Variants in MNAT1 observed in about 807,000 individuals in gnomAD.
MNAT1 encodes the protein CDK-activating kinase assembly factor MAT1.
Under a neutral mutation model 42.0 loss-of-function variants are expected in MNAT1, and 43 were observed. The observed-to-expected ratio is 1.02, with a 90% CI of 0.80 to 1.32. The LOEUF (loss-of-function observed/expected upper bound fraction) is 1.32, where lower values mean the gene tolerates loss of function less well. Among genes scored for constraint, MNAT1 ranks in the 40% most tolerant of loss-of-function variants. The pLI is 0.00. For missense variants in MNAT1, 306 were observed against 350.4 expected, an observed-to-expected ratio of 0.87 and a Z score of 1.01; for synonymous variants, 118 against 120.0, an observed-to-expected ratio of 0.98 and a Z score of 0.11.
At position 60,780,176 on chromosome 14, in the gene MNAT1, A is replaced by G; in HGVS notation, c.90-16041A>G. 6 of 1,516,082 alleles carry G rather than the reference A, an allele frequency of 4.0e-6. No individual in the cohort carries two copies. The Admixed American group carries it at 1.0e-4, about 25-fold the overall frequency. 93.9% of individuals were successfully genotyped at this position (1,516,082 alleles called of 1,614,324 possible). A position where few individuals can be genotyped will look rare whatever the true frequency, so the allele number is the denominator to read the frequency against. ...TCTTGAGCTCATAAAATACCTAAAT[A>G]ATGTGGTGGAACAACTAAAAGATTG... is the stretch of plus-strand genomic sequence containing the variant. On this transcript the variant is annotated intron_variant, in intron 1 of 7. Coordinates refer to ENST00000261245, the MANE Select transcript of MNAT1 (RefSeq NM_002431.4).
At chr14:60,741,246 C>A (rs945852911) in intron 1 of MNAT1, among the ~76,000 whole-genome samples, 5 of 152,158 alleles carry the variant, frequency 3.3e-5, no homozygotes, top group African/African-American at 1.2e-4. Context: ...CATGTAATAT[C>A]AGTGGCACAA....
chr14:60,917,889 A>G (rs975294233), intron 7 of MNAT1, among the ~76,000 whole-genome samples: 1 of 151,936 alleles, frequency 6.6e-6, no homozygotes, highest in Non-Finnish European at 1.5e-5. Context: ...TGGCCTCCCA[A>G]AGTGCTGGGA....
At chr14:60,890,577 G>A (rs1489304302) in intron 7 of MNAT1, among the ~76,000 whole-genome samples, 2 of 152,200 alleles carry the variant, frequency 1.3e-5, no homozygotes, top group East Asian at 1.9e-4. Flanking sequence ...AATCTCAAAA[G>A]TAGGGAAGCC....
In MNAT1 at chr14:60,762,154, G is replaced by A. The variant is rs192141867; in HGVS notation, c.89+27203G>A. Reference sequence around the variant, plus strand: ...ACACAGCAAATTGCTGCTTTGATTTGAGTCAGTGACTTGAAGTTTGGGACA... The same window carrying A: ...ACACAGCAAATTGCTGCTTTGATTTAAGTCAGTGACTTGAAGTTTGGGACA... On this transcript the variant is annotated intron_variant, in intron 1 of 7. Transcript: ENST00000261245. 2.7e-4 allele frequency among the ~76,000 whole-genome samples: 41 copies of A among 152,076 alleles called. 2 individuals carry two copies. In the East Asian group the frequency reaches 7.9e-3, roughly 29 times the overall value.
intron 1 of MNAT1, among the ~76,000 whole-genome samples, chr14:60,751,181 CTTTT>C (rs916360147): frequency 2.0e-5 from 3 of 151,508 alleles, no homozygotes; most frequent in Non-Finnish European, 4.4e-5. Flanking sequence ...GCTCCAGTCT[CTTTT>C]TTTGTGTGTA....
intron 1 of MNAT1, among the ~76,000 whole-genome samples, chr14:60,771,087 A>G (rs1189289441): frequency 2.0e-5 from 3 of 152,170 alleles, no homozygotes; most frequent in East Asian, 1.9e-4. Flanking sequence ...GTAATAAGGC[A>G]TGTCCATTTT....
chr14:60,856,497 C>T (rs189214840), intron 6 of MNAT1, among the ~76,000 whole-genome samples: 14 of 152,210 alleles, frequency 9.2e-5, no homozygotes, highest in South Asian at 6.2e-4. Flanking sequence ...AGTTGCTACC[C>T]GGAACAACAT....
intron 1 of MNAT1, among the ~76,000 whole-genome samples, chr14:60,747,031 T>G (rs1476568569): frequency 5.6e-5 from 8 of 143,796 alleles, no homozygotes; most frequent in Admixed American, 2.8e-4. Flanking sequence ...TGTCGCCCAG[T>G]CTGGAGTACA....
chr14:60,908,346 G>A (rs934506340), intron 7 of MNAT1, among the ~76,000 whole-genome samples: 1 of 151,824 alleles, frequency 6.6e-6, no homozygotes, highest in Non-Finnish European at 1.5e-5. Flanking sequence ...TATACTTTAA[G>A]TTTTACGGTA....
intron 7 of MNAT1, among the ~76,000 whole-genome samples, chr14:60,936,321 T>C (rs1018212166): frequency 5.9e-5 from 9 of 152,214 alleles, no homozygotes; most frequent in African/African-American, 2.2e-4. Flanking sequence ...GTTGGTGTGC[T>C]GCACTCATTA....
intron 6 of MNAT1, among the ~76,000 whole-genome samples, chr14:60,853,908 G>A (rs1435639526): frequency 1.3e-5 from 2 of 152,186 alleles, no homozygotes; most frequent in Admixed American, 6.5e-5. Context: ...ACTTGATCAT[G>A]GTGGATAAGC....
At chr14:60,893,872 T>C (rs2139491739) in intron 7 of MNAT1, among the ~76,000 whole-genome samples, 1 of 152,302 alleles carries the variant, frequency 6.6e-6, no homozygotes, top group South Asian at 2.1e-4. Context: ...AGAAGGTTTT[T>C]CTTGCTTCTC....
At chr14:60,852,160 A>G (rs1174391093) in intron 6 of MNAT1, among the ~76,000 whole-genome samples, 1 of 152,190 alleles carries the variant, frequency 6.6e-6, no homozygotes, top group Admixed American at 6.5e-5. Context: ...ACAGTGTAAA[A>G]GTGTTCCTAT....
chr14:60,853,089 C>G (rs1242551729), intron 6 of MNAT1, among the ~76,000 whole-genome samples: 1 of 152,054 alleles, frequency 6.6e-6, no homozygotes, highest in Non-Finnish European at 1.5e-5. Context: ...AAGAAAGTCA[C>G]TGGTAGCTCG....
chr14:60,759,686 A>G (rs1555372717), intron 1 of MNAT1, among the ~76,000 whole-genome samples: 1 of 152,202 alleles, frequency 6.6e-6, no homozygotes. Context: ...TTTAAAAAGT[A>G]ACTTTCTACA....
intron 6 of MNAT1, among the ~76,000 whole-genome samples, chr14:60,868,334 A>G (rs1034253196): frequency 6.6e-6 from 1 of 152,184 alleles, no homozygotes; most frequent in Non-Finnish European, 1.5e-5. Flanking sequence ...AATTACTTCA[A>G]TTGATTTTCT....
intron 7 of MNAT1, among the ~76,000 whole-genome samples, chr14:60,958,092 C>T (rs544790793): frequency 1.3e-5 from 2 of 152,312 alleles, no homozygotes; most frequent in South Asian, 4.1e-4. Context: ...CCGCCTCACC[C>T]TCCCAAAGTG....
At chr14:60,821,658 C>G (rs899404163) in intron 6 of MNAT1, among the ~76,000 whole-genome samples, 1 of 152,232 alleles carries the variant, frequency 6.6e-6, no homozygotes, top group African/African-American at 2.4e-5. Context: ...ATTGCATATT[C>G]TGATGCTTCC....
At chr14:60,754,032 T>C (rs866410323) in intron 1 of MNAT1, 1 of 152,212 alleles carries the variant, frequency 6.6e-6, no homozygotes, top group Non-Finnish European at 1.5e-5. Context: ...GGTTAAGAAC[T>C]GAGACCTTCT....
Sources: gnomAD v4.1 joint callset for allele counts (sites outside exome capture counted in the v4.1 genomes callset) on GRCh38, gnomAD v4.1.1 for gene constraint, MANE v1.5 for transcripts, NCBI Gene and HGNC (gene_info 2026-07-23, HGNC 2026-07-21) for gene names.